Variants in ZNF141 observed in about 807,000 individuals in gnomAD.
The protein encoded by ZNF141 is zinc finger protein 141.
ZNF141 carries 7 observed loss-of-function variants against 11.3 expected under a neutral mutation model. The observed-to-expected ratio is 0.62, with a 90% CI of 0.35 to 1.16. ZNF141 has a LOEUF of 1.16. Ranked by LOEUF, ZNF141 falls within the 50% of genes most tolerant of loss-of-function variation. The pLI is 0.02. For missense variants in ZNF141, 535 were observed against 554.0 expected (o/e 0.97, Z 0.34); for synonymous variants, 183 against 190.7 (o/e 0.96, Z 0.33).
At position 373,640 on chromosome 4, in the gene ZNF141, C is replaced by T. The variant is rs1712202136; in HGVS notation, c.1203C>T (p.Gly401=). Residue 401 remains glycine, a synonymous_variant, in exon 4 of 4, where the codon GGC becomes GGT. Transcript: ENST00000240499. ...AACCCTACAAATGTGAAGAATGTGG[C>T]AAAGCCTTTAGACGGTCCACAGATC... The part of the protein sequence containing the change: ...GEKPYKCEEC[G]KAFRRSTDRS... 2 of 1,614,038 alleles carry T rather than the reference C, an allele frequency of 1.2e-6. No individual in the cohort carries two copies. Among genetic ancestry groups the T allele is most frequent in the Admixed American group, 1.7e-5 (1 of 59,994 alleles).
At chr4:343,622 G>A (rs1462966854) in intron 1 of ZNF141, among the ~76,000 whole-genome samples, 160 bp from the exon 2 acceptor site, 1 of 151,594 alleles carries the variant, frequency 6.6e-6, no homozygotes, top group Non-Finnish European at 1.5e-5. Flanking sequence ...CTACTTGGGA[G>A]GCTGAGGCAG....
At chr4:338,591 G>C (rs1484407982) in intron 1 of ZNF141, 1 of 154,152 alleles carries the variant, frequency 6.5e-6, no homozygotes, top group Non-Finnish European at 1.4e-5. Flanking sequence ...TAGTGTGGGC[G>C]CGCACAGCGC....
At chr4:369,402 T>G (rs1014912128) in intron 3 of ZNF141, among the ~76,000 whole-genome samples, 3 of 152,092 alleles carry the variant, frequency 2.0e-5, no homozygotes, top group African/African-American at 7.2e-5. Context: ...TCATCTTGCC[T>G]TTTTCAGTCT....
chr4:356,646 A>T (rs530635296), intron 3 of ZNF141, among the ~76,000 whole-genome samples: 1 of 152,128 alleles, frequency 6.6e-6, no homozygotes, highest in Non-Finnish European at 1.5e-5. Context: ...ATGGCAGTTA[A>T]ATTTTAACAC....
intron 1 of ZNF141, among the ~76,000 whole-genome samples, chr4:340,045 G>A (rs144893169): frequency 2.0e-4 from 31 of 152,322 alleles, no homozygotes; most frequent in Admixed American, 6.5e-4. Flanking sequence ...TTAGTAGACT[G>A]CCTGTAATGC....
In ZNF141 at chr4:376,608, A is replaced by G. The variant is rs1345492009; in HGVS notation, c.*2746A>G. 6.6e-6 allele frequency among the ~76,000 whole-genome samples: 1 copy of G among 152,102 alleles called. No individual in the cohort carries two copies. The highest frequency in any genetic ancestry group is 2.4e-5 in the African/African-American group (1 of 41,454). The stretch of plus-strand genomic sequence containing the variant: ...GAACATGTGGCATCTTTTCCTGCAA[A>G]CTTATACAAACTTTAGTTCCATTTA... On this transcript the variant is annotated 3_prime_UTR_variant, in exon 4 of 4. Transcript: ENST00000240499.
chr4:370,934 G>A lies in ZNF141; in HGVS notation c.227-1730G>A, dbSNP rs367989125. On this transcript the variant is annotated intron_variant, in intron 3 of 3. Coordinates refer to ENST00000240499, the MANE Select transcript of ZNF141 (RefSeq NM_003441.4). ...TTTTTAGTAGAGACAGGGTTTCACC[G>A]TGTTAGCCAGGATGGTCTCACTCTC... Among the ~76,000 whole-genome samples, 897 of 151,436 alleles carry A rather than the reference G, an allele frequency of 5.9e-3. 11 individuals are homozygous for A. Among genetic ancestry groups the A allele is most frequent in the African/African-American group, 0.019 (803 of 41,376 alleles).
chr4:357,952 T>C (rs6819237), intron 3 of ZNF141, among the ~76,000 whole-genome samples: 61,836 of 151,512 alleles, frequency 0.41, 13,159 homozygotes, highest in African/African-American at 0.53. Flanking sequence ...ATTTCCTGAC[T>C]TCGTGATTCG....
At chr4:341,783 A>G (rs1425988721) in intron 1 of ZNF141, among the ~76,000 whole-genome samples, 9 of 152,216 alleles carry the variant, frequency 5.9e-5, no homozygotes, top group Non-Finnish European at 1.3e-4. Context: ...TGGCTACTCC[A>G]GTCTCCTCTC....
rs1581634548 is a variant in ZNF141, at chr4:378,797, G to T, written c.*4935G>T. Among the ~76,000 whole-genome samples, 1 of 144,636 alleles carries T rather than the reference G, an allele frequency of 6.9e-6. No individual in the cohort carries two copies. Among genetic ancestry groups the T allele is most frequent in the African/African-American group, 2.6e-5 (1 of 38,674 alleles). 94.9% of individuals were successfully genotyped at this position (144,636 alleles called of 152,430 possible). ...CACCTTCTCTGGAAAAAAATTTGAAGATTATGGCAGCTGTTGAATCCAAAC... is the reference window on the plus strand; with the variant it reads ...CACCTTCTCTGGAAAAAAATTTGAATATTATGGCAGCTGTTGAATCCAAAC... On this transcript the variant is annotated 3_prime_UTR_variant, in exon 4 of 4. Coordinates refer to ENST00000240499, the MANE Select transcript of ZNF141 (RefSeq NM_003441.4).
At position 373,843 on chromosome 4, in the gene ZNF141, A is replaced by G. The variant is rs781805866; in HGVS notation, c.1406A>G (p.His469Arg). 1.7e-5 allele frequency: 27 copies of G among 1,603,634 alleles called. No individual in the cohort carries two copies. The highest frequency in any genetic ancestry group is 2.1e-5 in the Non-Finnish European group (25 of 1,175,046). Reference protein sequence around the residue: ...AFKRFSHLNKHKKIHT With the variant: ...AFKRFSHLNKRKKIHT ...AAACGGTTCTCACACCTGAATAAAC[A>G]TAAGAAAATTCATACTTGAGAGAAA... is the stretch of plus-strand genomic sequence containing the variant. The change falls in exon 4 of 4, where the codon CAT becomes CGT. Residue 469 changes from histidine (H) to arginine (R), a missense_variant. His to Arg is a conservative substitution (Grantham distance 29). Transcript: ENST00000240499.
At chr4:372,619 A>G in intron 3 of ZNF141, 45 bp from the exon 4 acceptor site, 1 of 1,408,052 alleles carries the variant, frequency 7.1e-7, no homozygotes, top group East Asian at 2.3e-5. Flanking sequence ...GTATATTTAT[A>G]TGAATCTACT....
At chr4:368,941 T>C (rs571866036) in intron 3 of ZNF141, among the ~76,000 whole-genome samples, 1 of 152,350 alleles carries the variant, frequency 6.6e-6, no homozygotes, top group Non-Finnish European at 1.5e-5. Context: ...GCATTTAATC[T>C]GGAGATTGCA....
At chr4:372,123 G>A (rs1257711903) in intron 3 of ZNF141, among the ~76,000 whole-genome samples, 5 of 152,244 alleles carry the variant, frequency 3.3e-5, no homozygotes, top group Admixed American at 1.3e-4. Context: ...CTTGTTCTAC[G>A]TGTTGCCTGT....
At chr4:340,390 G>A (rs1320855883) in intron 1 of ZNF141, among the ~76,000 whole-genome samples, 2 of 152,216 alleles carry the variant, frequency 1.3e-5, no homozygotes, top group African/African-American at 2.4e-5. Flanking sequence ...TTTTAGGATA[G>A]CGATCAGTTT....
Position 373,706 on chromosome 4 carries a change from C to T in ZNF141, c.1269C>T (p.Tyr423=). 2.5e-6 allele frequency: 4 copies of T among 1,614,116 alleles called. No homozygotes were observed. Among genetic ancestry groups the T allele is most frequent in the Non-Finnish European group, 3.4e-6 (4 of 1,180,002 alleles). Residue 423 remains tyrosine, a synonymous_variant, in exon 4 of 4, where the codon TAC becomes TAT. Transcript: ENST00000240499. The stretch of plus-strand genomic sequence containing the variant: ...AAATTCATAGTGCAGATAAACCCTA[C>T]AAATGTAAAGAATGTGACAAAGCCT... The part of the protein sequence containing the change: ...HKKIHSADKP[Y]KCKECDKAFK...
chr4:346,837 G>GTGTATATATATATGTATATACATGTA (rs1333022825), intron 3 of ZNF141, among the ~76,000 whole-genome samples: 4 of 147,938 alleles, frequency 2.7e-5, no homozygotes, highest in East Asian at 2.0e-4. Flanking sequence ...GTGTATGTGT[G>GTGTATATATATATGTATATACATGTA]TGTATATATA....
rs1186426247 is a variant in ZNF141, at chr4:379,003, C to G, written c.*5141C>G. ...GGGATTACAGGTGCCCACCACCACACCCAGCTAATTTTTGTATTTTTAATA... is the reference window on the plus strand; with the variant it reads ...GGGATTACAGGTGCCCACCACCACAGCCAGCTAATTTTTGTATTTTTAATA... On this transcript the variant is annotated 3_prime_UTR_variant, in exon 4 of 4. Transcript: ENST00000240499. Among the ~76,000 whole-genome samples, 2 of 151,848 alleles carry G rather than the reference C, an allele frequency of 1.3e-5. No individual in the cohort carries two copies. The highest frequency in any genetic ancestry group is 2.9e-5 in the Non-Finnish European group (2 of 67,974).
intron 1 of ZNF141, among the ~76,000 whole-genome samples, chr4:339,471 AGTGCATCCCTCAT>A (rs1208063147): frequency 6.7e-6 from 1 of 149,672 alleles, no homozygotes; most frequent in Non-Finnish European, 1.5e-5. Context: ...AGTTTGCTCA[AGTGCATCCCTCAT>A]GTGCTACAAG....
Sources: gnomAD v4.1 joint callset for allele counts (sites outside exome capture counted in the v4.1 genomes callset) on GRCh38, gnomAD v4.1.1 for gene constraint, MANE v1.5 for transcripts, NCBI Gene and HGNC (gene_info 2026-07-23, HGNC 2026-07-21) for gene names.